Variants in DSP observed in about 807,000 individuals in gnomAD.
DSP encodes the protein 250/210 kDa paraneoplastic pemphigus antigen.
A neutral mutation model predicts 290.6 loss-of-function variants in DSP; 114 were observed. That is an observed-to-expected ratio of 0.39 (90% CI 0.34 to 0.46). The LOEUF is 0.46. Among genes scored for constraint, DSP ranks in the 20% least tolerant of loss-of-function variants. DSP has a pLI of 0.99. For synonymous variants in DSP, 1,311 were observed against 1,316.4 expected (o/e 1.00, Z 0.09); for missense variants, 3,230 against 3,495.8 (o/e 0.92, Z 1.92).
In DSP at chr6:7,584,222, G is replaced by A; in HGVS notation, c.6960G>A (p.Leu2320=). Residue 2320 remains leucine, a synonymous_variant, in exon 24 of 24, where the codon CTG becomes CTA. Transcript: ENST00000379802. The surrounding 1 kb of genome is among the most constrained non-coding windows in gnomAD (Gnocchi z 6.4). The part of the protein sequence containing the change: ...LPVEEAYKRG[L]VGIEFKEKLL... ...TGGAGGAAGCCTACAAGAGAGGTCTGGTGGGCATTGAGTTCAAAGAGAAGC... is the reference window on the plus strand; with the variant it reads ...TGGAGGAAGCCTACAAGAGAGGTCTAGTGGGCATTGAGTTCAAAGAGAAGC... 6 of 1,614,170 alleles carry A rather than the reference G, an allele frequency of 3.7e-6. No individual in the cohort carries two copies. The highest frequency in any genetic ancestry group is 5.1e-6 in the Non-Finnish European group (6 of 1,180,030).
chr6:7,561,203 T>C (rs1758679859), intron 4 of DSP, among the ~76,000 whole-genome samples: 1 of 152,186 alleles, frequency 6.6e-6, no homozygotes, highest in Admixed American at 6.5e-5. Context: ...CCGCCCGCCT[T>C]GGCCTCCCAA....
intron 1 of DSP, among the ~76,000 whole-genome samples, chr6:7,551,703 T>TA (rs1314953150): frequency 6.6e-6 from 1 of 152,020 alleles, no homozygotes; most frequent in East Asian, 1.9e-4. Context: ...GTGCTACACA[T>TA]ACAGCTGGTG....
Position 7,582,166 on chromosome 6 carries a change from G to GTGTA in DSP, c.5380-475_5380-474insGTAT, listed in dbSNP as rs1554108557. 1.3e-3 allele frequency among the ~76,000 whole-genome samples: 183 copies of GTGTA among 145,862 alleles called. 3 individuals are homozygous for GTGTA. Among genetic ancestry groups the GTGTA allele is most frequent in the South Asian group, 7.4e-3 (35 of 4,706 alleles). On this transcript the variant is annotated intron_variant, in intron 23 of 23. Coordinates refer to ENST00000379802, the MANE Select transcript of DSP (RefSeq NM_004415.4). The surrounding 1 kb of genome is among the most constrained non-coding windows in gnomAD (Gnocchi z 4.2). ...TGTGTGTGTGTGTGTGTGTGTGTGT[G>GTGTA]TATATCTATATATTATATATATAAT...
rs747040221 is a variant in DSP at position 7,565,431 on chromosome 6, A to G, written c.850A>G (p.Met284Val). 1 of 1,614,168 alleles carries G rather than the reference A, an allele frequency of 6.2e-7. No homozygotes were observed. The highest frequency in any genetic ancestry group is 1.1e-5 in the South Asian group (1 of 91,086). Reference sequence around the variant, plus strand: ...CATTCAGGCCACGTCCAGGGAGATCATGTGGATCAATGACTGCGAGGAGGA... The same window carrying G: ...CATTCAGGCCACGTCCAGGGAGATCGTGTGGATCAATGACTGCGAGGAGGA... The part of the protein sequence containing the change: ...NIIQATSREI[M>V]WINDCEEEEL... Residue 284 changes from methionine (M) to valine (V), a missense_variant, in exon 7 of 24, where the codon ATG (methionine) becomes GTG (valine). Transcript: ENST00000379802. The surrounding 1 kb of genome is among the most constrained non-coding windows in gnomAD (Gnocchi z 4.2).
Position 7,586,262 on chromosome 6 carries a change from C to A in DSP, c.*384C>A, listed in dbSNP as rs886061753. 1 of 201,038 alleles carries A rather than the reference C, an allele frequency of 5.0e-6. No homozygotes were observed. Among genetic ancestry groups the A allele is most frequent in the South Asian group, 7.8e-5 (1 of 12,744 alleles). 12.5% of individuals were successfully genotyped at this position (201,038 alleles called of 1,614,324 possible). Reference sequence around the variant, plus strand: ...ATGGATCACTGATATTTTAGTCATTCTGCTTCTCATCTAAATATTTCCATA... The same window carrying A: ...ATGGATCACTGATATTTTAGTCATTATGCTTCTCATCTAAATATTTCCATA... On this transcript the variant is annotated 3_prime_UTR_variant, in exon 24 of 24. Coordinates refer to ENST00000379802, the MANE Select transcript of DSP (RefSeq NM_004415.4).
At chr6:7,544,321 TG>T (rs1311001040) in intron 1 of DSP, among the ~76,000 whole-genome samples, 1 of 152,202 alleles carries the variant, frequency 6.6e-6, no homozygotes, top group Non-Finnish European at 1.5e-5. Context: ...TGGTTTTGTG[TG>T]GAGGGATATG....
At chr6:7,551,605 G>A (rs1758344026) in intron 1 of DSP, among the ~76,000 whole-genome samples, 1 of 151,292 alleles carries the variant, frequency 6.6e-6, no homozygotes. Context: ...ACTCCAGCCT[G>A]GGCGACAGAG....
At chr6:7,564,449 C>T (rs1334238755) in intron 6 of DSP, among the ~76,000 whole-genome samples, 1 of 152,014 alleles carries the variant, frequency 6.6e-6, no homozygotes, top group Non-Finnish European at 1.5e-5. Context: ...AGTGATTTTC[C>T]TATTGGGCTG....
chr6:7,553,866 C>T (rs1470267651), intron 1 of DSP, among the ~76,000 whole-genome samples: 1 of 152,086 alleles, frequency 6.6e-6, no homozygotes, highest in Non-Finnish European at 1.5e-5. Flanking sequence ...CTGGGCTCCT[C>T]ACCCACATTC....
At chr6:7,563,445 C>G (rs931735513) in intron 5 of DSP, among the ~76,000 whole-genome samples, 5 of 151,926 alleles carry the variant, frequency 3.3e-5, no homozygotes, top group African/African-American at 1.2e-4. Flanking sequence ...CCTAGGGAAT[C>G]CTAAATGATG....
At chr6:7,563,679 C>CT in intron 5 of DSP, 57 bp from the exon 6 acceptor site, 1 of 1,483,278 alleles carries the variant, frequency 6.7e-7, no homozygotes, top group South Asian at 1.1e-5. Context: ...AAGGGCCACT[C>CT]TTTTCTATAC....
Position 7,585,971 on chromosome 6 carries a change from TAG to T in DSP, c.*96_*97del. The T allele has an allele frequency of 8.0e-7, 1 of 1,254,090 alleles. No homozygotes were observed. The highest frequency in any genetic ancestry group is 1.1e-6 in the Non-Finnish European group (1 of 869,816). 77.7% of individuals were successfully genotyped at this position (1,254,090 alleles called of 1,614,324 possible). On this transcript the variant is annotated 3_prime_UTR_variant, in exon 24 of 24. Transcript: ENST00000379802. The stretch of plus-strand genomic sequence containing the variant: ...GAAAAGAAAATCCCGGTGCTTGCAG[TAG>T]AGTGATAGGACATTCTATGCTTACA...
Position 7,581,382 on chromosome 6 carries a change from A to G in DSP, c.5192A>G (p.Tyr1731Cys). Residue 1731 changes from tyrosine to cysteine, a missense_variant, in exon 23 of 24, where the codon TAC becomes TGC. Coordinates refer to ENST00000379802, the MANE Select transcript of DSP (RefSeq NM_004415.4). Reference protein sequence around the residue: ...EEELRNLRLEYDDLRRGRSEA... With the variant: ...EEELRNLRLECDDLRRGRSEA... The stretch of plus-strand genomic sequence containing the variant: ...GAACTGCGGAACCTGAGGCTGGAGT[A>G]CGATGACCTGAGGAGAGGACGAAGC... The G allele has an allele frequency of 6.2e-7, 1 of 1,614,244 alleles. No homozygotes were observed. The highest frequency in any genetic ancestry group is 8.5e-7 in the Non-Finnish European group (1 of 1,180,044).
rs2113703202 is a variant in DSP, at chr6:7,585,010, G to T, written c.7748G>T (p.Ser2583Ile). Reference protein sequence around the residue: ...MGSGVSDDVFSSSRHESVSKI... With the variant: ...MGSGVSDDVFISSRHESVSKI... The stretch of plus-strand genomic sequence containing the variant: ...AGTGGTGTCAGCGATGATGTTTTTA[G>T]CAGCTCCCGACATGAATCAGTAAGT... The change falls in exon 24 of 24, where the codon AGC (serine) becomes ATC (isoleucine). Residue 2583 changes from serine to isoleucine, a missense_variant. This residue lies in a region of DSP where 582 missense variants were observed against 555.4 expected (regional missense o/e 1.05). Coordinates refer to ENST00000379802, the MANE Select transcript of DSP (RefSeq NM_004415.4). 3 of 1,614,202 alleles carry T rather than the reference G, an allele frequency of 1.9e-6. No homozygotes were observed. In the East Asian group the frequency reaches 6.7e-5, roughly 36 times the overall value.
intron 8 of DSP, among the ~76,000 whole-genome samples, chr6:7,566,999 C>G (rs2113671896): frequency 6.6e-6 from 1 of 152,258 alleles, no homozygotes; most frequent in South Asian, 2.1e-4. Flanking sequence ...TCGAACCTCC[C>G]CATGATTCAG....
chr6:7,583,855 T>G lies in DSP; in HGVS notation c.6593T>G (p.Leu2198Arg). The G allele has an allele frequency of 1.2e-6, 2 of 1,614,182 alleles. No individual in the cohort carries two copies. The highest frequency in any genetic ancestry group is 1.7e-6 in the Non-Finnish European group (2 of 1,180,032). Residue 2198 changes from leucine to arginine, a missense_variant, in exon 24 of 24, where the codon CTG becomes CGG. Leu to Arg is a moderately radical substitution (Grantham distance 102). This residue lies in a region of DSP where 1,714 missense variants were observed against 1,844.5 expected (regional missense o/e 0.93). Transcript: ENST00000379802. The surrounding 1 kb of genome is among the most constrained non-coding windows in gnomAD (Gnocchi z 4.0). The part of the protein sequence containing the change: ...ERCRIEPHTG[L>R]LLLSVQKRSM... ...TGCAGAATCGAACCACATACTGGTC[T>G]GCTCTTGCTTTCAGTACAGAAGAGA...
rs121912992 is a variant in DSP at position 7,565,478 on chromosome 6, C to T, written c.897C>T (p.Ser299=). Residue 299 remains serine (S), a synonymous_variant, in exon 7 of 24, where the codon AGC becomes AGT. Transcript: ENST00000379802. The surrounding 1 kb of genome is among the most constrained non-coding windows in gnomAD (Gnocchi z 4.2). The part of the protein sequence containing the change: ...CEEEELLYDW[S]DKNTNIAQKQ... Reference sequence around the variant, plus strand: ...AGGAGGAGCTGCTGTACGACTGGAGCGACAAGAACACCAACATCGCTCAGA... The same window carrying T: ...AGGAGGAGCTGCTGTACGACTGGAGTGACAAGAACACCAACATCGCTCAGA... The T allele has an allele frequency of 6.0e-5, 97 of 1,613,980 alleles. No individual in the cohort carries two copies. The highest frequency in any genetic ancestry group is 4.4e-5 in the South Asian group (4 of 91,074).
chr6:7,586,512 G>A lies in DSP; in HGVS notation c.*634G>A, dbSNP rs1480369371. ...TCTGTTTATTTTGCTTGTCATATTC[G>A]ATGTACTTTAAGGTGTCTTTATGAA... On this transcript the variant is annotated 3_prime_UTR_variant, in exon 24 of 24. Transcript: ENST00000379802. 1.3e-5 allele frequency: 2 copies of A among 152,156 alleles called. No homozygotes were observed. The highest frequency in any genetic ancestry group is 4.8e-5 in the African/African-American group (2 of 41,414). 9.4% of individuals were successfully genotyped at this position (152,156 alleles called of 1,614,324 possible).
intron 9 of DSP, 104 bp from the exon 10 acceptor site, chr6:7,567,677 C>G (rs1758903925): frequency 9.6e-6 from 15 of 1,563,540 alleles, no homozygotes; most frequent in Non-Finnish European, 1.1e-5. Context: ...CTTTAGCCAC[C>G]TGTCAAAGAG....
Sources: allele counts gnomAD v4.1 joint callset (sites outside exome capture counted in the v4.1 genomes callset), GRCh38; gene constraint gnomAD v4.1.1; regional missense constraint gnomAD v4.1.1; non-coding constraint Gnocchi (gnomAD v3.1); transcripts MANE v1.5; gene names NCBI Gene and HGNC (gene_info 2026-07-23, HGNC 2026-07-21).